ITGA7: variants seen among roughly 807,000 people sequenced by gnomAD.
The protein encoded by ITGA7 is integrin alpha-7.
A neutral mutation model predicts 131.6 loss-of-function variants in ITGA7; 84 were observed. That is an observed-to-expected ratio of 0.64 (90% CI 0.54 to 0.77). The LOEUF (loss-of-function observed/expected upper bound fraction) is 0.77. Ranked by LOEUF, ITGA7 falls within the 30% of genes least tolerant of loss-of-function variation. The pLI, the probability that ITGA7 is intolerant of heterozygous loss-of-function variation, is 0.00. For synonymous variants in ITGA7, 548 were observed against 600.7 expected, an observed-to-expected ratio of 0.91 and a Z score of 1.28; for missense variants, 1,399 against 1,482.9, an observed-to-expected ratio of 0.94 and a Z score of 0.93.
At chr12:55,709,807 C>G (rs917262485), upstream of ITGA7, among the ~76,000 whole-genome samples, 3 of 151,980 alleles carry the variant, frequency 2.0e-5, no homozygotes, top group Non-Finnish European at 2.9e-5. Context: ...AATCAGATGC[C>G]AAGAATCTGC....
chr12:55,685,503 G>A (rs1482821026), intron 24 of ITGA7, among the ~76,000 whole-genome samples: 1 of 152,170 alleles, frequency 6.6e-6, no homozygotes, highest in Non-Finnish European at 1.5e-5. Flanking sequence ...GACCAGAAGG[G>A]CGTCCAAGAG....
Position 55,701,125 on chromosome 12 carries a change from C to T in ITGA7, c.444G>A (p.Gln148=). 1 of 1,614,236 alleles carries T rather than the reference C, an allele frequency of 6.2e-7. No individual in the cohort carries two copies. The highest frequency in any genetic ancestry group is 1.1e-5 in the South Asian group (1 of 91,088). ...GCGTCTCCAGGATCTGGTCCACTCG[C>T]TGCCTTGCCTCATATCGGTGTGCAC... is the stretch of plus-strand genomic sequence containing the variant. The part of the protein sequence containing the change: ...VTCAHRYEAR[Q]RVDQILETRD... The change falls in exon 4 of 25, where the codon CAG becomes CAA. Residue 148 remains glutamine (Q), a synonymous_variant. Coordinates refer to ENST00000257879, the MANE Select transcript of ITGA7 (RefSeq NM_002206.3).
upstream of ITGA7, among the ~76,000 whole-genome samples, chr12:55,709,117 C>G (rs1242915074): frequency 2.6e-5 from 4 of 152,198 alleles, no homozygotes; most frequent in Non-Finnish European, 5.9e-5. Flanking sequence ...CTCTCACTAT[C>G]TGATTTTGTC....
intron 21 of ITGA7, 78 bp downstream of exon 21, chr12:55,692,766 C>T: frequency 6.6e-7 from 1 of 1,517,648 alleles, no homozygotes; most frequent in Non-Finnish European, 8.9e-7. Context: ...CCCAGACCAT[C>T]ATGTGTCTCA....
At chr12:55,716,055 G>C (rs933348517), upstream of ITGA7, 4 of 1,555,962 alleles carry the variant, frequency 2.6e-6, no homozygotes, top group African/African-American at 5.5e-5. Context: ...ACGTGACATG[G>C]CCCCGGGGAG....
chr12:55,701,035 A>C lies in ITGA7; in HGVS notation c.534T>G (p.Gly178=). 1 of 1,614,130 alleles carries C rather than the reference A, an allele frequency of 6.2e-7. No homozygotes were observed. Among genetic ancestry groups the C allele is most frequent in the Non-Finnish European group, 8.5e-7 (1 of 1,180,018 alleles). The change falls in exon 4 of 25, where the codon GGT becomes GGG. Residue 178 remains glycine, a synonymous_variant. Coordinates refer to ENST00000257879, the MANE Select transcript of ITGA7 (RefSeq NM_002206.3). The part of the protein sequence containing the change: ...QDLAIRDELD[G]GEWKFCEGRP... ...GTCCCTCACAGAACTTCCATTCCCC[A>C]CCATCCAACTCATCCCGGATGGCCA...
intron 21 of ITGA7, among the ~76,000 whole-genome samples, chr12:55,692,417 C>T (rs1286027790): frequency 1.3e-5 from 2 of 152,100 alleles, no homozygotes; most frequent in East Asian, 1.9e-4. Context: ...TCCGTCTCAA[C>T]AACAACAAAA....
chr12:55,705,792 G>A (rs1417440828), intron 1 of ITGA7, among the ~76,000 whole-genome samples: 1 of 152,248 alleles, frequency 6.6e-6, no homozygotes, highest in East Asian at 1.9e-4. Context: ...TACAGTTGAG[G>A]GAAGTAAATG....
intron 21 of ITGA7, among the ~76,000 whole-genome samples, chr12:55,691,819 G>A (rs1871482506): frequency 6.6e-6 from 1 of 152,056 alleles, no homozygotes; most frequent in Admixed American, 6.6e-5. Context: ...CCCAAAGCAG[G>A]GACTGCAGCA....
At chr12:55,710,920 G>A (rs1377619091), upstream of ITGA7, among the ~76,000 whole-genome samples, 1 of 152,176 alleles carries the variant, frequency 6.6e-6, no homozygotes, top group Non-Finnish European at 1.5e-5. Context: ...TTCCTTTGTG[G>A]TGATGGGTTT....
At chr12:55,715,985 C>A (rs1038391244), upstream of ITGA7, 9 of 1,474,134 alleles carry the variant, frequency 6.1e-6, no homozygotes, top group African/African-American at 1.3e-4. Flanking sequence ...CTCTTCCCCG[C>A]CAAGATCTTC....
intron 5 of ITGA7, 34 bp downstream of exon 5, chr12:55,699,836 G>A (rs376851290): frequency 3.8e-6 from 6 of 1,583,384 alleles, no homozygotes; most frequent in Non-Finnish European, 4.3e-6. Context: ...GCTGGGCCAT[G>A]CCCCTAGAGT....
In ITGA7 at chr12:55,695,916, C is replaced by T. The variant is rs75233332; in HGVS notation, c.1888-279G>A. Among the ~76,000 whole-genome samples, 4,961 of 151,944 alleles carry T rather than the reference C, an allele frequency of 0.033. 267 individuals are homozygous for T. Among genetic ancestry groups the T allele is most frequent in the African/African-American group, 0.11 (4,711 of 41,398 alleles). On this transcript the variant is annotated intron_variant, in intron 13 of 24. Transcript: ENST00000257879. ...AGCTCACATGCATGTAACTGAGTTC[C>T]GGATTTAGAACGGGAAAAGATGTCA...
rs766331907 is a variant in ITGA7 at position 55,697,456 on chromosome 12, C to T, written c.1500G>A (p.Ser500=). 1.4e-5 allele frequency: 23 copies of T among 1,613,862 alleles called. No homozygotes were observed. The East Asian group carries it at 2.2e-4, about 16-fold the overall frequency. The stretch of plus-strand genomic sequence containing the variant: ...GCCACCCGATCCCACCTCACCAGAC[C>T]GAGTGGCCGCCAGCACAGTTGGGCT... ...LEQPNCAGGH[S]VCVDLRVCFS... is the part of the protein sequence containing the mutation. Residue 500 remains serine, a synonymous_variant, in exon 10 of 25, where the codon TCG becomes TCA. Transcript: ENST00000257879.
chr12:55,693,196 C>T lies in ITGA7; in HGVS notation c.2657G>A (p.Gly886Glu). ...LYPMQVELEGGQGPGQKGLCS... is the reference protein window; with the variant it reads ...LYPMQVELEGEQGPGQKGLCS... Reference sequence around the variant, plus strand: ...AAGCCCTTTCTGCCCAGGCCCCTGCCCGCCCTCCAGCTCAACCTGCATTGG... The same window carrying T: ...AAGCCCTTTCTGCCCAGGCCCCTGCTCGCCCTCCAGCTCAACCTGCATTGG... The change falls in exon 20 of 25, where the codon GGG (glycine) becomes GAG (glutamate). Residue 886 changes from glycine (G) to glutamate (E), a missense_variant. By Grantham distance (98) the Gly-to-Glu change is moderately conservative. Coordinates refer to ENST00000257879, the MANE Select transcript of ITGA7 (RefSeq NM_002206.3). The T allele has an allele frequency of 6.2e-7, 1 of 1,614,066 alleles. No homozygotes were observed.
At chr12:55,696,479 C>T (rs1325592355) in intron 12 of ITGA7, 47 bp from the exon 13 acceptor site, 1 of 1,564,734 alleles carries the variant, frequency 6.4e-7, no homozygotes, top group Admixed American at 1.9e-5. Context: ...CCCCAGGCCT[C>T]AGCCCTGCTC....
chr12:55,694,045 G>A lies in ITGA7; in HGVS notation c.2511C>T (p.Gly837=), dbSNP rs777349229. 6.2e-7 allele frequency: 1 copy of A among 1,614,004 alleles called. No homozygotes were observed. Among genetic ancestry groups the A allele is most frequent in the Non-Finnish European group, 8.5e-7 (1 of 1,179,922 alleles). The change falls in exon 19 of 25, where the codon GGC becomes GGT. Residue 837 remains glycine, a synonymous_variant. Coordinates refer to ENST00000257879, the MANE Select transcript of ITGA7 (RefSeq NM_002206.3). This position sits in a 1 kb window ranked among gnomAD's most constrained non-coding sequence, Gnocchi z 5.3. Reference sequence around the variant, plus strand: ...CCGTGACCTCATACTTGACCTTGCTGCCCACATCCCGCTCAGACTGCATGG... The same window carrying A: ...CCGTGACCTCATACTTGACCTTGCTACCCACATCCCGCTCAGACTGCATGG... ...ERAMQSERDV[G]SKVKYEVTVS...
chr12:55,716,082 A>T (rs777415321), upstream of ITGA7: 5 of 1,578,916 alleles, frequency 3.2e-6, no homozygotes, highest in Non-Finnish European at 3.4e-6. Flanking sequence ...TGAGCGTTCC[A>T]GCTTCCGGAG....
At chr12:55,702,007 T>C (rs182137315) in intron 3 of ITGA7, among the ~76,000 whole-genome samples, 2 of 152,198 alleles carry the variant, frequency 1.3e-5, no homozygotes, top group East Asian at 1.9e-4. Context: ...GCTCTGGTTT[T>C]TTCGTTTGTT....
Sources: gnomAD v4.1 joint callset for allele counts (sites outside exome capture counted in the v4.1 genomes callset) on GRCh38, gnomAD v4.1.1 for gene constraint, Gnocchi (gnomAD v3.1) non-coding constraint, MANE v1.5 for transcripts, NCBI Gene and HGNC (gene_info 2026-07-23, HGNC 2026-07-21) for gene names.